Variants in KIAA1328 observed in about 807,000 individuals in gnomAD.
KIAA1328 encodes the protein protein hinderin.
Under a neutral mutation model 68.1 loss-of-function variants are expected in KIAA1328, and 52 were observed. The observed-to-expected ratio is 0.76, with a 90% CI of 0.61 to 0.96. The LOEUF (loss-of-function observed/expected upper bound fraction) is 0.96. KIAA1328 is among the 40% of genes least tolerant of loss of function. KIAA1328 has a pLI of 0.00. For missense variants in KIAA1328, 641 were observed against 677.6 expected (o/e 0.95, Z 0.60); for synonymous variants, 232 against 239.4 (o/e 0.97, Z 0.28).
intron 7 of KIAA1328, among the ~76,000 whole-genome samples, chr18:37,156,681 AT>A (rs1568476294): frequency 6.6e-6 from 1 of 152,214 alleles, no homozygotes; most frequent in Non-Finnish European, 1.5e-5. Context: ...GAGATTTCTT[AT>A]GAGTGACTGG....
chr18:37,073,615 G>C (rs1412526382), intron 7 of KIAA1328, among the ~76,000 whole-genome samples: 1 of 152,044 alleles, frequency 6.6e-6, no homozygotes, highest in South Asian at 2.1e-4. Flanking sequence ...TCTTTCATTT[G>C]TCCTCTTCAT....
downstream of KIAA1328, chr18:37,232,148 G>A (rs189933094): frequency 2.6e-5 from 4 of 152,144 alleles, no homozygotes; most frequent in Non-Finnish European, 4.4e-5. Context: ...TTCTTACATT[G>A]TAATAAATTT....
At chr18:36,866,971 T>C (rs2047774545) in intron 4 of KIAA1328, among the ~76,000 whole-genome samples, 1 of 152,234 alleles carries the variant, frequency 6.6e-6, no homozygotes, top group Admixed American at 6.5e-5. Flanking sequence ...TACCCAACAC[T>C]GTCATATGAC....
At chr18:36,924,164 G>A (rs2050028963) in intron 5 of KIAA1328, among the ~76,000 whole-genome samples, 1 of 152,012 alleles carries the variant, frequency 6.6e-6, no homozygotes, top group African/African-American at 2.4e-5. Flanking sequence ...GGTAGATGCT[G>A]GTGAGTTGAT....
chr18:36,945,094 T>A (rs1245162654), intron 5 of KIAA1328, among the ~76,000 whole-genome samples: 7 of 152,192 alleles, frequency 4.6e-5, no homozygotes, highest in African/African-American at 1.7e-4. Flanking sequence ...TTCTTTTAAA[T>A]GTTTATGGGC....
intron 5 of KIAA1328, among the ~76,000 whole-genome samples, chr18:36,931,553 G>A (rs1249141424): frequency 1.3e-5 from 2 of 151,940 alleles, no homozygotes; most frequent in Non-Finnish European, 1.5e-5. Flanking sequence ...AAAAGCTTGG[G>A]GACTGCTGAT....
chr18:36,974,033 T>C (rs149447635), intron 6 of KIAA1328, among the ~76,000 whole-genome samples: 98 of 152,252 alleles, frequency 6.4e-4, no homozygotes, highest in African/African-American at 2.2e-3. Context: ...TTAGATATGA[T>C]TGGGCACAGT....
intron 6 of KIAA1328, among the ~76,000 whole-genome samples, chr18:37,032,240 A>G (rs1480417005): frequency 6.6e-6 from 1 of 152,202 alleles, no homozygotes; most frequent in Non-Finnish European, 1.5e-5. Flanking sequence ...TCTAATGTAT[A>G]ACTGCATAAA....
intron 7 of KIAA1328, among the ~76,000 whole-genome samples, chr18:37,127,144 T>C (rs1235871972): frequency 3.3e-5 from 5 of 152,212 alleles, no homozygotes. Context: ...TATGATGTTA[T>C]TATCTACTTA....
chr18:36,919,686 A>G (rs2049844050), intron 5 of KIAA1328, among the ~76,000 whole-genome samples: 1 of 152,154 alleles, frequency 6.6e-6, no homozygotes, highest in Non-Finnish European at 1.5e-5. Context: ...TTACATTCCC[A>G]CCAGCAGTGT....
intron 5 of KIAA1328, among the ~76,000 whole-genome samples, chr18:36,953,712 C>G (rs1050552553): frequency 6.6e-6 from 1 of 151,944 alleles, no homozygotes; most frequent in South Asian, 2.1e-4. Context: ...ATTTTATAAA[C>G]CAACTTATGG....
intron 6 of KIAA1328, among the ~76,000 whole-genome samples, chr18:37,041,603 T>C (rs1193713433): frequency 1.3e-5 from 2 of 151,334 alleles, no homozygotes; most frequent in South Asian, 4.2e-4. Context: ...CATCGATGTC[T>C]TACTCTTGTA....
At chr18:37,138,099 A>G (rs2058684912) in intron 7 of KIAA1328, among the ~76,000 whole-genome samples, 1 of 152,178 alleles carries the variant, frequency 6.6e-6, no homozygotes, top group African/African-American at 2.4e-5. Flanking sequence ...ATGTTTTCTC[A>G]TTTAATAGTA....
At chr18:37,092,809 G>A (rs1171519377) in intron 7 of KIAA1328, among the ~76,000 whole-genome samples, 2 of 152,136 alleles carry the variant, frequency 1.3e-5, no homozygotes, top group East Asian at 3.9e-4. Flanking sequence ...TGCTTCTTAG[G>A]GGCCCAAGGA....
At chr18:37,156,426 CAAAAAAAAAAAA>C (rs769062667) in intron 7 of KIAA1328, among the ~76,000 whole-genome samples, 19 of 36,120 alleles carry the variant, frequency 5.3e-4, no homozygotes, top group South Asian at 1.2e-3. Flanking sequence ...AACTCCGCCT[CAAAAAAAAAAAA>C]AAAAAAAAAA....
downstream of KIAA1328, among the ~76,000 whole-genome samples, chr18:37,226,925 G>A (rs1033458453): frequency 6.6e-5 from 10 of 152,138 alleles, no homozygotes; most frequent in African/African-American, 1.7e-4. Context: ...TCGCCACCAC[G>A]CCCAACTAAT....
At chr18:36,840,458 ATTTT>A (rs199672374) in intron 3 of KIAA1328, among the ~76,000 whole-genome samples, 1 of 133,250 alleles carries the variant, frequency 7.5e-6, no homozygotes, top group Non-Finnish European at 1.6e-5. Context: ...ATGTCTTGTG[ATTTT>A]TTTTTTTTTT....
At chr18:36,893,480 T>C (rs2048769986) in intron 5 of KIAA1328, among the ~76,000 whole-genome samples, 1 of 150,648 alleles carries the variant, frequency 6.6e-6, no homozygotes, top group Non-Finnish European at 1.5e-5. Flanking sequence ...TGTGTGTGTG[T>C]GTGTGTGTGT....
At chr18:37,109,335 T>A (rs1016928221) in intron 7 of KIAA1328, among the ~76,000 whole-genome samples, 3 of 152,190 alleles carry the variant, frequency 2.0e-5, no homozygotes, top group African/African-American at 7.2e-5. Context: ...TTGTTAATTG[T>A]AGATTGATGA....
Sources: gnomAD v4.1 joint callset for allele counts (sites outside exome capture counted in the v4.1 genomes callset) on GRCh38, gnomAD v4.1.1 for gene constraint, MANE v1.5 for transcripts, NCBI Gene and HGNC (gene_info 2026-07-23, HGNC 2026-07-21) for gene names.